Variants in RANBP2 observed in about 807,000 individuals in gnomAD.
RANBP2 encodes RAN binding protein 2.
A neutral mutation model predicts 303.6 loss-of-function variants in RANBP2; 57 were observed. That is an observed-to-expected ratio of 0.19 (90% CI 0.15 to 0.23). The LOEUF is 0.23. Among genes scored for constraint, RANBP2 ranks in the 10% least tolerant of loss-of-function variants. RANBP2 has a pLI of 1.00. For synonymous variants in RANBP2, 1,167 were observed against 1,301.5 expected, an observed-to-expected ratio of 0.90 and a Z score of 2.23; for missense variants, 3,138 against 3,780.8, an observed-to-expected ratio of 0.83 and a Z score of 4.46.
chr2:109,165,394 A>G, the RANBP2 span, among the ~76,000 whole-genome samples: 1 of 152,074 alleles, frequency 6.6e-6, no homozygotes, highest in Non-Finnish European at 1.5e-5. Context: ...GTGGTTGGAG[A>G]AATGAGGATG....
chr2:108,796,449 C>G, the RANBP2 span, among the ~76,000 whole-genome samples: 6 of 152,276 alleles, frequency 3.9e-5, no homozygotes, highest in Admixed American at 1.3e-4. Context: ...ATAAGTAGAA[C>G]TACCGTATGA....
At chr2:108,928,790 T>C in the RANBP2 span, among the ~76,000 whole-genome samples, 3 of 152,358 alleles carry the variant, frequency 2.0e-5, no homozygotes, top group East Asian at 3.9e-4. Context: ...ATAGGTATCA[T>C]ATGACTCAAA....
At chr2:109,007,730 C>G in the RANBP2 span, among the ~76,000 whole-genome samples, 4 of 152,294 alleles carry the variant, frequency 2.6e-5, no homozygotes, top group East Asian at 7.7e-4. Context: ...CTGTTAGTAA[C>G]AGATATTTTA....
At chr2:109,524,142 A>G in the RANBP2 span, among the ~76,000 whole-genome samples, 7,115 of 152,262 alleles carry the variant, frequency 0.047, 561 homozygotes, top group African/African-American at 0.16. Flanking sequence ...GTCAGGGCCT[A>G]GTGGCGCAAG....
At chr2:109,027,744 C>A in the RANBP2 span, among the ~76,000 whole-genome samples, 1 of 145,722 alleles carries the variant, frequency 6.9e-6, no homozygotes, top group African/African-American at 2.5e-5. Context: ...AGGGCCTGGG[C>A]TCCAGGAGTG....
the RANBP2 span, among the ~76,000 whole-genome samples, chr2:109,450,953 C>T: frequency 9.9e-5 from 15 of 152,246 alleles, no homozygotes; most frequent in African/African-American, 2.7e-4. Flanking sequence ...CTCTCTTTCT[C>T]GAGGACATTG....
At chr2:109,564,629 T>C in the RANBP2 span, 1 of 1,096,972 alleles carries the variant, frequency 9.1e-7, no homozygotes, top group South Asian at 2.7e-5. Flanking sequence ...TGAAAACATG[T>C]GAAACAACAA....
the RANBP2 span, among the ~76,000 whole-genome samples, chr2:109,579,892 G>C: frequency 6.6e-6 from 1 of 151,802 alleles, no homozygotes; most frequent in East Asian, 2.0e-4. Context: ...AAGCTAAGGC[G>C]TGTGGATCAC....
chr2:109,200,060 G>A, the RANBP2 span, among the ~76,000 whole-genome samples: 2 of 152,138 alleles, frequency 1.3e-5, no homozygotes, highest in African/African-American at 4.8e-5. Flanking sequence ...AATGTCACCA[G>A]TGGCCAGGGT....
chr2:109,207,196 G>T, the RANBP2 span, among the ~76,000 whole-genome samples: 2 of 152,156 alleles, frequency 1.3e-5, no homozygotes, highest in South Asian at 4.1e-4. Context: ...CTCTCATCTT[G>T]TGCAAACAGG....
chr2:109,129,841 G>C, the RANBP2 span: 1 of 1,532,682 alleles, frequency 6.5e-7, no homozygotes, highest in Admixed American at 2.0e-5. Flanking sequence ...CCGCATCCTG[G>C]TGGGCTGCGG....
At chr2:109,695,002 A>G in the RANBP2 span, among the ~76,000 whole-genome samples, 4 of 152,134 alleles carry the variant, frequency 2.6e-5, no homozygotes, top group Non-Finnish European at 5.9e-5. Context: ...TCCATTGCTC[A>G]GATGGGGTAA....
chr2:109,328,637 G>A, the RANBP2 span, among the ~76,000 whole-genome samples: 2 of 152,122 alleles, frequency 1.3e-5, no homozygotes, highest in Admixed American at 6.5e-5. Context: ...CTAGGTCATG[G>A]TACTGATATA....
At chr2:109,160,230 G>A in the RANBP2 span, among the ~76,000 whole-genome samples, 50 of 152,284 alleles carry the variant, frequency 3.3e-4, 1 homozygote, top group Admixed American at 2.5e-3. Flanking sequence ...CAGGTCAGTC[G>A]GTAGCTGCTG....
At chr2:108,870,844 T>TA in the RANBP2 span, among the ~76,000 whole-genome samples, 11 of 152,302 alleles carry the variant, frequency 7.2e-5, no homozygotes, top group African/African-American at 2.6e-4. Flanking sequence ...AGTTATTGTT[T>TA]AATGTGTGCA....
chr2:109,724,312 A>G, the RANBP2 span, among the ~76,000 whole-genome samples: 1 of 152,154 alleles, frequency 6.6e-6, no homozygotes, highest in Non-Finnish European at 1.5e-5. Flanking sequence ...AAGAATGTCA[A>G]TGGTAGTTTA....
chr2:108,821,268 G>T, the RANBP2 span, among the ~76,000 whole-genome samples: 2 of 152,108 alleles, frequency 1.3e-5, no homozygotes, highest in Non-Finnish European at 2.9e-5. Context: ...CGAGGCAGGA[G>T]AATTTCTTGA....
chr2:109,395,513 T>G, the RANBP2 span, among the ~76,000 whole-genome samples: 1 of 151,472 alleles, frequency 6.6e-6, no homozygotes, highest in Non-Finnish European at 1.5e-5. Flanking sequence ...GCAGGAGCTC[T>G]TACTTCTCCT....
chr2:109,553,298 A>C, the RANBP2 span: 1 of 1,471,528 alleles, frequency 6.8e-7, no homozygotes, highest in Non-Finnish European at 9.3e-7. Flanking sequence ...TAATCCCAAC[A>C]CTTTGGGAGG....
Sources: gnomAD v4.1 joint callset for allele counts (sites outside exome capture counted in the v4.1 genomes callset) on GRCh38, gnomAD v4.1.1 for gene constraint, MANE v1.5 for transcripts, NCBI Gene and HGNC (gene_info 2026-07-23, HGNC 2026-07-21) for gene names.